SPIRE1: variants seen among roughly 807,000 people sequenced by gnomAD.
The protein encoded by SPIRE1 is spire type actin nucleation factor 1.
SPIRE1 carries 40 observed loss-of-function variants against 94.1 expected under a neutral mutation model. That is an observed-to-expected ratio of 0.43 (90% CI 0.33 to 0.55). The LOEUF is 0.55. Among genes scored for constraint, SPIRE1 ranks in the 20% least tolerant of loss-of-function variants. The probability of loss-of-function intolerance (pLI) is 0.06; values close to 1 mark genes in which losing one functional copy is unlikely to be tolerated. For missense variants in SPIRE1, 838 were observed against 975.2 expected, an observed-to-expected ratio of 0.86 and a Z score of 1.87; for synonymous variants, 376 against 371.7, an observed-to-expected ratio of 1.01 and a Z score of -0.13.
upstream of SPIRE1, chr18:12,662,004 CTT>C (rs1204768339): frequency 4.0e-6 from 1 of 249,066 alleles, no homozygotes. Context: ...GAATCCTTGA[CTT>C]TTTTTATATT....
chr18:12,590,583 A>G (rs1191573760), intron 2 of SPIRE1, among the ~76,000 whole-genome samples: 3 of 152,054 alleles, frequency 2.0e-5, no homozygotes, highest in Non-Finnish European at 2.9e-5. Context: ...TTGAAAACAG[A>G]GTATAAAAGT....
intron 3 of SPIRE1, among the ~76,000 whole-genome samples, chr18:12,545,119 T>C (rs998833366): frequency 3.3e-4 from 50 of 152,240 alleles, no homozygotes; most frequent in African/African-American, 1.2e-3. Flanking sequence ...AGCTGGTCAT[T>C]TGTGGTCTGC....
intron 9 of SPIRE1, among the ~76,000 whole-genome samples, chr18:12,480,850 CA>C (rs1240074648): frequency 3.3e-5 from 5 of 152,250 alleles, no homozygotes; most frequent in Admixed American, 3.3e-4. Flanking sequence ...AAAATCGGTA[CA>C]TTTATAAGTG....
chr18:12,595,972 C>A (rs2036661381), intron 2 of SPIRE1, among the ~76,000 whole-genome samples: 1 of 152,192 alleles, frequency 6.6e-6, no homozygotes, highest in East Asian at 1.9e-4. Context: ...ACTAATTATA[C>A]AAACTAGATT....
At chr18:12,551,675 C>CAG in intron 2 of SPIRE1, among the ~76,000 whole-genome samples, 1 of 151,194 alleles carries the variant, frequency 6.6e-6, no homozygotes, top group Admixed American at 6.6e-5. Context: ...GCACTCCAGT[C>CAG]TGGGTGACAG....
intron 2 of SPIRE1, among the ~76,000 whole-genome samples, chr18:12,607,505 C>A (rs1368054223): frequency 6.6e-6 from 1 of 151,854 alleles, no homozygotes; most frequent in Non-Finnish European, 1.5e-5. Context: ...GTTTTGACAA[C>A]AGAATGGAAG....
At position 12,566,043 on chromosome 18, in the gene SPIRE1, A is replaced by C. The variant is rs565632704; in HGVS notation, c.373-19139T>G. Among the ~76,000 whole-genome samples the C allele has an allele frequency of 1.2e-3, 186 of 149,092 alleles. 1 individual carries two copies. Among genetic ancestry groups the C allele is most frequent in the Non-Finnish European group, 2.0e-3 (133 of 67,214 alleles). On this transcript the variant is annotated intron_variant, in intron 2 of 16. Transcript: ENST00000409402. ...ACAAACAAACAAACAAACAAAAAAAAAAATTCTTTAGGCTGGGTGTGGTAG... is the reference window on the plus strand; with the variant it reads ...ACAAACAAACAAACAAACAAAAAAACAAATTCTTTAGGCTGGGTGTGGTAG...
chr18:12,481,560 A>G (rs551148998), intron 9 of SPIRE1, among the ~76,000 whole-genome samples: 104 of 152,270 alleles, frequency 6.8e-4, no homozygotes, highest in African/African-American at 2.4e-3. Flanking sequence ...GGGAAAGAGA[A>G]GGGAGGAAGA....
intron 6 of SPIRE1, 81 bp downstream of exon 6, chr18:12,506,396 T>C: frequency 8.1e-7 from 1 of 1,237,044 alleles, no homozygotes; most frequent in Admixed American, 1.7e-5. Flanking sequence ...TGACCTCAGA[T>C]GATCCACCTG....
chr18:12,607,596 TACACACACACACACACACACACAC>T (rs34187168), intron 2 of SPIRE1, among the ~76,000 whole-genome samples: 1 of 146,222 alleles, frequency 6.8e-6, no homozygotes, highest in South Asian at 2.2e-4. Flanking sequence ...TCCACAGCAC[TACACACACACACACACACACACAC>T]ACACACACAC....
chr18:12,633,935 T>C (rs538766189), intron 2 of SPIRE1, among the ~76,000 whole-genome samples: 1 of 152,150 alleles, frequency 6.6e-6, no homozygotes, highest in African/African-American at 2.4e-5. Context: ...AATCAGAAAT[T>C]TGAAATTAAA....
Position 12,479,866 on chromosome 18 carries a change from T to C in SPIRE1, c.1237A>G (p.Thr413Ala), listed in dbSNP as rs1433876469. ...AGATTCTTTGTAGATTCAGGGGTAG[T>C]CACATCTGGTAAAAAAGCAAAAGCT... ...MSYSFDLSDV[T>A]TPESTKNLVE... is the part of the protein sequence containing the mutation. Residue 413 changes from threonine (T) to alanine (A), a missense_variant, in exon 10 of 17, where the codon ACT becomes GCT. This residue lies in a region of SPIRE1 where 645 missense variants were observed against 804.7 expected (regional missense o/e 0.80). Transcript: ENST00000409402. The C allele has an allele frequency of 1.9e-6, 3 of 1,611,818 alleles. No homozygotes were observed. The highest frequency in any genetic ancestry group is 8.5e-7 in the Non-Finnish European group (1 of 1,179,440).
At chr18:12,599,040 A>G (rs1260832328) in intron 2 of SPIRE1, among the ~76,000 whole-genome samples, 1 of 152,142 alleles carries the variant, frequency 6.6e-6, no homozygotes, top group African/African-American at 2.4e-5. Context: ...TCTTTCACAA[A>G]CCGCTGGAGA....
intron 2 of SPIRE1, among the ~76,000 whole-genome samples, chr18:12,607,505 C>T (rs1368054223): frequency 1.3e-5 from 2 of 151,854 alleles, no homozygotes; most frequent in Non-Finnish European, 1.5e-5. Flanking sequence ...GTTTTGACAA[C>T]AGAATGGAAG....
chr18:12,455,071 G>A (rs2031447944), intron 12 of SPIRE1, among the ~76,000 whole-genome samples: 1 of 152,016 alleles, frequency 6.6e-6, no homozygotes, highest in Non-Finnish European at 1.5e-5. Context: ...AAGTAGCTGG[G>A]ACTACAGGTG....
intron 2 of SPIRE1, among the ~76,000 whole-genome samples, chr18:12,573,052 G>A (rs1208152369): frequency 1.3e-5 from 2 of 152,120 alleles, no homozygotes; most frequent in Non-Finnish European, 2.9e-5. Context: ...AGAATAAAAT[G>A]ATCAAGCCAC....
In SPIRE1 at chr18:12,452,322, C is replaced by T. The variant is rs2031285464; in HGVS notation, c.1945G>A (p.Gly649Arg). ...TTTTCTGACCTCATACTACTTTCCC[C>T]TCTTTGCAGAGCAGAAGGTCCCAAT... is the stretch of plus-strand genomic sequence containing the variant. ...FSLGPSALQR[G>R]ESSMRSEKPS... Residue 649 changes from glycine to arginine, a missense_variant, in exon 16 of 17, where the codon GGG (glycine) becomes AGG (arginine). Transcript: ENST00000409402. The T allele has an allele frequency of 6.2e-7, 1 of 1,613,954 alleles. No homozygotes were observed. Among genetic ancestry groups the T allele is most frequent in the African/African-American group, 1.3e-5 (1 of 74,906 alleles).
chr18:12,562,812 T>C (rs759231506), intron 2 of SPIRE1, among the ~76,000 whole-genome samples: 8 of 152,078 alleles, frequency 5.3e-5, no homozygotes, highest in Non-Finnish European at 8.8e-5. Flanking sequence ...ACATAGCCTA[T>C]AGTAATGTCT....
At chr18:12,565,515 C>T (rs1048478947) in intron 2 of SPIRE1, among the ~76,000 whole-genome samples, 35 of 152,062 alleles carry the variant, frequency 2.3e-4, no homozygotes, top group African/African-American at 8.2e-4. Context: ...GCTGGGATTA[C>T]AGGTGCACAC....
Sources: allele counts gnomAD v4.1 joint callset (sites outside exome capture counted in the v4.1 genomes callset), GRCh38; gene constraint gnomAD v4.1.1; regional missense constraint gnomAD v4.1.1; transcripts MANE v1.5; gene names NCBI Gene and HGNC (gene_info 2026-07-23, HGNC 2026-07-21).